CADPS: variants seen among roughly 807,000 people sequenced by gnomAD.
CADPS encodes the protein calcium-dependent secretion activator 1.
CADPS carries 57 observed loss-of-function variants against 167.3 expected under a neutral mutation model. The ratio of observed to expected loss-of-function variants is 0.34; its 90% CI spans 0.28 to 0.42. CADPS has a LOEUF of 0.42. Among genes scored for constraint, CADPS ranks in the 20% least tolerant of loss-of-function variants. The probability of loss-of-function intolerance (pLI) is 1.00; values close to 1 mark genes in which losing one functional copy is unlikely to be tolerated. For synonymous variants in CADPS, 676 were observed against 635.3 expected (o/e 1.06, Z -0.96); for missense variants, 1,414 against 1,738.1 (o/e 0.81, Z 3.32).
intron 7 of CADPS, among the ~76,000 whole-genome samples, chr3:62,587,220 A>G (rs2084838083): frequency 1.3e-5 from 2 of 152,182 alleles, no homozygotes; most frequent in African/African-American, 4.8e-5. Context: ...TATTTTGTAA[A>G]GGTTGATTTA....
chr3:62,834,290 A>C (rs1163973512), intron 1 of CADPS, among the ~76,000 whole-genome samples: 1 of 152,116 alleles, frequency 6.6e-6, no homozygotes, highest in Non-Finnish European at 1.5e-5. Flanking sequence ...CATAAGTGGG[A>C]CAAGCTGGTG....
intron 23 of CADPS, 124 bp from the exon 24 acceptor site, chr3:62,474,444 C>T (rs2061012364): frequency 1.2e-6 from 1 of 832,948 alleles, no homozygotes; most frequent in Non-Finnish European, 1.9e-6. Context: ...TCAACAATGA[C>T]TTCACATGTG....
intron 16 of CADPS, among the ~76,000 whole-genome samples, chr3:62,513,037 C>T (rs2068185003): frequency 6.6e-6 from 1 of 152,102 alleles, no homozygotes; most frequent in Admixed American, 6.6e-5. Context: ...CATGAACTCT[C>T]CAAGTGACAA....
intron 1 of CADPS, among the ~76,000 whole-genome samples, chr3:62,806,557 A>G (rs1464660170): frequency 6.6e-6 from 1 of 152,060 alleles, no homozygotes; most frequent in African/African-American, 2.4e-5. Flanking sequence ...ACAGGGCATT[A>G]AAGTCTTTCT....
chr3:62,643,757 A>G (rs2067927356), intron 6 of CADPS, among the ~76,000 whole-genome samples: 1 of 152,218 alleles, frequency 6.6e-6, no homozygotes, highest in South Asian at 2.1e-4. Context: ...TTATAACGCC[A>G]TATTGGGCCC....
In CADPS at chr3:62,601,041, A is replaced by G. The variant is rs2059884916; in HGVS notation, c.1326-8293T>C. 6.6e-6 allele frequency among the ~76,000 whole-genome samples: 1 copy of G among 152,174 alleles called. No homozygotes were observed. Among genetic ancestry groups the G allele is most frequent in the Non-Finnish European group, 1.5e-5 (1 of 68,036 alleles). ...TATTGGATATGTGGTGTTTACCTCA[A>G]TACGTGGCACATAGAAAGCACTAAA... is the stretch of plus-strand genomic sequence containing the variant. On this transcript the variant is annotated intron_variant, in intron 6 of 29. Coordinates refer to ENST00000383710, the MANE Select transcript of CADPS (RefSeq NM_003716.4). The surrounding 1 kb of genome is among the most constrained non-coding windows in gnomAD (Gnocchi z 4.3).
rs538731660 is a variant in CADPS at position 62,626,902 on chromosome 3, G to C, written c.1325+18820C>G. ...CTGAAGTTTTAGAAAAATGTAGCTA[G>C]TACCTTACCTTGTATATTTAATTGC... On this transcript the variant is annotated intron_variant, in intron 6 of 29. Transcript: ENST00000383710. Among the ~76,000 whole-genome samples, 4 of 152,222 alleles carry C rather than the reference G, an allele frequency of 2.6e-5. No homozygotes were observed. In the East Asian group the frequency reaches 7.7e-4, roughly 29 times the overall value.
At chr3:62,793,350 ACAAT>A (rs1378021947) in intron 1 of CADPS, among the ~76,000 whole-genome samples, 16 of 152,318 alleles carry the variant, frequency 1.1e-4, no homozygotes, top group Admixed American at 2.6e-4. Flanking sequence ...TGAATTATAC[ACAAT>A]CAGTTTCAGC....
intron 1 of CADPS, among the ~76,000 whole-genome samples, chr3:62,768,596 A>G (rs897735859): frequency 6.6e-6 from 1 of 152,150 alleles, no homozygotes; most frequent in African/African-American, 2.4e-5. Context: ...ACCAGACACT[A>G]CGGGTTCAGT....
rs58131051 is a variant in CADPS, at chr3:62,478,450, C to T, written c.3174-34G>A. 4.1e-4 allele frequency: 653 copies of T among 1,593,364 alleles called. 3 individuals carry two copies. In the African/African-American group the frequency reaches 7.6e-3, roughly 19 times the overall value. On this transcript the variant is annotated intron_variant, in intron 22 of 29. Coordinates refer to ENST00000383710, the MANE Select transcript of CADPS (RefSeq NM_003716.4). This position sits in a 1 kb window ranked among gnomAD's most constrained non-coding sequence, Gnocchi z 5.7. Reference sequence around the variant, plus strand: ...ACAAAAATTAGAAAATGAGAGTCACCCACTGGCCTCAGGCTCTACAAAAAC... The same window carrying T: ...ACAAAAATTAGAAAATGAGAGTCACTCACTGGCCTCAGGCTCTACAAAAAC...
chr3:62,833,748 T>C (rs540738603), intron 1 of CADPS, among the ~76,000 whole-genome samples: 1 of 152,196 alleles, frequency 6.6e-6, no homozygotes, highest in African/African-American at 2.4e-5. Flanking sequence ...CTGGGCTCAC[T>C]GCTCTCCCTC....
intron 28 of CADPS, among the ~76,000 whole-genome samples, chr3:62,414,725 G>A (rs1351469120): frequency 2.0e-5 from 3 of 152,336 alleles, no homozygotes; most frequent in African/African-American, 7.2e-5. Flanking sequence ...TCAGAGGGTG[G>A]CAAGGTGGGA....
chr3:62,435,917 G>A (rs370282319), intron 28 of CADPS, among the ~76,000 whole-genome samples: 27 of 151,442 alleles, frequency 1.8e-4, no homozygotes, highest in African/African-American at 6.5e-4. Context: ...ACTTGCTTTC[G>A]GAAAAAAATA....
chr3:62,536,908 C>A (rs554133979), intron 11 of CADPS, among the ~76,000 whole-genome samples: 1 of 152,106 alleles, frequency 6.6e-6, no homozygotes, highest in African/African-American at 2.4e-5. Context: ...GAAAGCAGAT[C>A]GGATCTTTGC....
At chr3:62,752,798 C>T (rs945427659) in intron 3 of CADPS, among the ~76,000 whole-genome samples, 4 of 152,224 alleles carry the variant, frequency 2.6e-5, no homozygotes, top group South Asian at 4.1e-4. Flanking sequence ...AAAATAGGCA[C>T]GTAATAAATA....
chr3:62,873,666 C>T (rs1280894138), intron 1 of CADPS, among the ~76,000 whole-genome samples: 2 of 148,698 alleles, frequency 1.3e-5, no homozygotes, highest in Non-Finnish European at 3.0e-5. Flanking sequence ...CTATGTCAGC[C>T]TTGCCCCAGC....
chr3:62,495,931 T>C (rs1029765504), intron 18 of CADPS, among the ~76,000 whole-genome samples: 7 of 152,240 alleles, frequency 4.6e-5, no homozygotes, highest in Middle Eastern at 3.2e-3. Flanking sequence ...GAATTTAAAA[T>C]GCCTTTAAGG....
intron 1 of CADPS, among the ~76,000 whole-genome samples, chr3:62,847,261 CTT>C (rs202175985): frequency 7.0e-4 from 93 of 133,046 alleles, no homozygotes; most frequent in African/African-American, 1.1e-3. Context: ...GCAGCATTTT[CTT>C]TTTTTTTTTT....
intron 6 of CADPS, among the ~76,000 whole-genome samples, chr3:62,611,502 G>C (rs1413089760): frequency 2.6e-5 from 4 of 152,134 alleles, no homozygotes; most frequent in Non-Finnish European, 5.9e-5. Context: ...ATGTAAGTCA[G>C]CTCTCACTAC....
Sources: allele counts gnomAD v4.1 joint callset (sites outside exome capture counted in the v4.1 genomes callset), GRCh38; gene constraint gnomAD v4.1.1; non-coding constraint Gnocchi (gnomAD v3.1); transcripts MANE v1.5; gene names NCBI Gene and HGNC (gene_info 2026-07-23, HGNC 2026-07-21).